CTNNA3: variants seen among roughly 807,000 people sequenced by gnomAD.
The protein encoded by CTNNA3 is catenin alpha 3, also known as catenin alpha-3.
In CTNNA3, 76 loss-of-function variants were observed where a neutral mutation model predicts 95.7. That is an observed-to-expected ratio of 0.79 (90% CI 0.66 to 0.96). The LOEUF (loss-of-function observed/expected upper bound fraction) is 0.96, where lower values mean the gene tolerates loss of function less well. Ranked by LOEUF, CTNNA3 falls within the 40% of genes least tolerant of loss-of-function variation. The pLI, the probability that CTNNA3 is intolerant of heterozygous loss-of-function variation, is 0.00. For synonymous variants in CTNNA3, 431 were observed against 374.4 expected (o/e 1.15, Z -1.74); for missense variants, 1,191 against 1,089.8 (o/e 1.09, Z -1.31).
At chr10:66,220,392 G>A (rs1003348389) in intron 13 of CTNNA3, among the ~76,000 whole-genome samples, 2 of 152,140 alleles carry the variant, frequency 1.3e-5, no homozygotes, top group African/African-American at 4.8e-5. Flanking sequence ...CCCCTGAGAG[G>A]GTGCAGGGGC....
intron 3 of CTNNA3, among the ~76,000 whole-genome samples, chr10:67,595,908 C>T (rs530840281): frequency 8.9e-4 from 135 of 152,186 alleles, no homozygotes; most frequent in African/African-American, 3.2e-3. Context: ...GTCATCATTG[C>T]TGGTTTGAAG....
At chr10:67,248,768 C>T (rs1013197346) in intron 5 of CTNNA3, among the ~76,000 whole-genome samples, 1 of 152,152 alleles carries the variant, frequency 6.6e-6, no homozygotes, top group African/African-American at 2.4e-5. Flanking sequence ...AAGCTGGACT[C>T]CTACCTCACA....
chr10:67,739,325 G>C (rs1444598017), intron 1 of CTNNA3, among the ~76,000 whole-genome samples: 1 of 152,054 alleles, frequency 6.6e-6, no homozygotes, highest in Non-Finnish European at 1.5e-5. Context: ...GGCAGGAGAA[G>C]GAAATAAAGG....
At chr10:66,047,992 A>G (rs2079865629) in intron 15 of CTNNA3, among the ~76,000 whole-genome samples, 1 of 152,196 alleles carries the variant, frequency 6.6e-6, no homozygotes, top group African/African-American at 2.4e-5. Flanking sequence ...AACAAATGGA[A>G]AAACATCCCA....
At chr10:66,862,416 G>T (rs1843975966) in intron 7 of CTNNA3, among the ~76,000 whole-genome samples, 1 of 152,132 alleles carries the variant, frequency 6.6e-6, no homozygotes, top group Non-Finnish European at 1.5e-5. Context: ...TATGAGGTAT[G>T]AATAAAAATA....
At chr10:66,680,180 G>GT (rs1847018153) in intron 9 of CTNNA3, among the ~76,000 whole-genome samples, 2 of 144,218 alleles carry the variant, frequency 1.4e-5, no homozygotes, top group Non-Finnish European at 3.0e-5. Flanking sequence ...TTTTTTGTTT[G>GT]TTTTTTGTTT....
chr10:66,256,721 CA>C (rs34013367), intron 13 of CTNNA3, among the ~76,000 whole-genome samples: 47 of 140,374 alleles, frequency 3.3e-4, no homozygotes, highest in Admixed American at 5.8e-4. Flanking sequence ...GACATTGTCT[CA>C]AAAAAAAAAA....
intron 16 of CTNNA3, among the ~76,000 whole-genome samples, chr10:65,980,074 A>G (rs1589210995): frequency 2.0e-5 from 3 of 152,078 alleles, no homozygotes; most frequent in Non-Finnish European, 4.4e-5. Context: ...TCGATAGATC[A>G]TTAGTGAGAT....
intron 7 of CTNNA3, among the ~76,000 whole-genome samples, chr10:66,890,977 C>A (rs539552021): frequency 8.5e-5 from 13 of 152,198 alleles, no homozygotes; most frequent in African/African-American, 2.9e-4. Flanking sequence ...TCTGGCCAGT[C>A]CCCAGGCTCA....
chr10:67,591,554 C>T (rs1842787294), intron 3 of CTNNA3, among the ~76,000 whole-genome samples: 1 of 151,860 alleles, frequency 6.6e-6, no homozygotes, highest in African/African-American at 2.4e-5. Context: ...AAGATTGAAA[C>T]AGTTGGATTC....
At chr10:67,045,129 T>C in intron 7 of CTNNA3, among the ~76,000 whole-genome samples, 1 of 152,204 alleles carries the variant, frequency 6.6e-6, no homozygotes, top group Non-Finnish European at 1.5e-5. Context: ...TAGTTAATGC[T>C]TACATACAGT....
chr10:66,159,274 G>A (rs12359814), intron 13 of CTNNA3, among the ~76,000 whole-genome samples: 22,984 of 152,012 alleles, frequency 0.15, 2,155 homozygotes, highest in Middle Eastern at 0.22. Context: ...TCCCCATTCA[G>A]TATAATGTTG....
At chr10:66,176,016 C>A (rs1032260387) in intron 13 of CTNNA3, among the ~76,000 whole-genome samples, 7 of 152,064 alleles carry the variant, frequency 4.6e-5, no homozygotes, top group African/African-American at 1.7e-4. Flanking sequence ...GGAGATTAAT[C>A]ATAAAATGTG....
chr10:65,940,100 C>A (rs2077406812), intron 17 of CTNNA3, among the ~76,000 whole-genome samples: 1 of 152,016 alleles, frequency 6.6e-6, no homozygotes, highest in Non-Finnish European at 1.5e-5. Flanking sequence ...TTTCTAGAAC[C>A]CAATATTTAC....
intron 3 of CTNNA3, among the ~76,000 whole-genome samples, chr10:67,581,484 C>A (rs1842394348): frequency 6.6e-6 from 1 of 152,146 alleles, no homozygotes; most frequent in Non-Finnish European, 1.5e-5. Flanking sequence ...AGGATCTTTG[C>A]ATTGATGTTC....
At chr10:66,413,158 G>T (rs1181991929) in intron 11 of CTNNA3, among the ~76,000 whole-genome samples, 2 of 152,220 alleles carry the variant, frequency 1.3e-5, no homozygotes, top group East Asian at 3.9e-4. Flanking sequence ...GTTAGCACAA[G>T]TCTTGGTGGT....
chr10:66,517,373 G>C (rs1448298566), intron 11 of CTNNA3, among the ~76,000 whole-genome samples: 1 of 152,108 alleles, frequency 6.6e-6, no homozygotes, highest in Non-Finnish European at 1.5e-5. Flanking sequence ...CACAGGATGA[G>C]ATAGGAGGTC....
At chr10:66,475,761 G>T (rs118022731) in intron 11 of CTNNA3, among the ~76,000 whole-genome samples, 480 of 152,192 alleles carry the variant, frequency 3.2e-3, no homozygotes, top group Non-Finnish European at 5.0e-3. Flanking sequence ...TTACACAGTT[G>T]ATGGAAATGT....
intron 13 of CTNNA3, among the ~76,000 whole-genome samples, chr10:66,240,084 C>T (rs180885036): frequency 6.6e-6 from 1 of 151,728 alleles, no homozygotes; most frequent in Non-Finnish European, 1.5e-5. Context: ...CATTGTGTAA[C>T]TTATATTTTT....
Sources: gnomAD v4.1 joint callset for allele counts (sites outside exome capture counted in the v4.1 genomes callset) on GRCh38, gnomAD v4.1.1 for gene constraint, MANE v1.5 for transcripts, NCBI Gene and HGNC (gene_info 2026-07-23, HGNC 2026-07-21) for gene names.